RGPD2: variants seen among roughly 807,000 people sequenced by gnomAD.
RGPD2 encodes RANBP2-like and GRIP domain-containing protein 2.
In RGPD2, 2 loss-of-function variants were observed where a neutral mutation model predicts 36.0. The ratio of observed to expected loss-of-function variants is 0.06; its 90% CI spans 0.02 to 0.17. The LOEUF (loss-of-function observed/expected upper bound fraction) is 0.17, where lower values mean the gene tolerates loss of function less well. Among genes scored for constraint, RGPD2 ranks in the 10% least tolerant of loss-of-function variants. The probability of loss-of-function intolerance (pLI) is 1.00; values close to 1 mark genes in which losing one functional copy is unlikely to be tolerated. For synonymous variants in RGPD2, 19 were observed against 163.8 expected, an observed-to-expected ratio of 0.12 and a Z score of 6.75; for missense variants, 40 against 464.3, an observed-to-expected ratio of 0.09 and a Z score of 8.40.
chr2:87,845,985 C>A, the RGPD2 span, among the ~76,000 whole-genome samples: 1 of 150,922 alleles, frequency 6.6e-6, no homozygotes, highest in African/African-American at 2.4e-5. Flanking sequence ...TGTTCGAGTT[C>A]TCTTCTTGAT....
chr2:87,885,008 A>G, the RGPD2 span, among the ~76,000 whole-genome samples: 3 of 152,170 alleles, frequency 2.0e-5, no homozygotes, highest in African/African-American at 4.8e-5. Flanking sequence ...GCAGGCTAAT[A>G]TAACTGATAA....
upstream of RGPD2, chr2:87,826,094 A>G (rs1376145255): frequency 3.7e-6 from 1 of 273,148 alleles, no homozygotes; most frequent in Non-Finnish European, 7.1e-6. Flanking sequence ...TCTGCTATAC[A>G]TAGGTTTGTT....
the RGPD2 span, among the ~76,000 whole-genome samples, chr2:87,948,458 C>T: frequency 7.9e-5 from 12 of 151,608 alleles, no homozygotes; most frequent in Middle Eastern, 3.4e-3. Context: ...CTCGGCTCAC[C>T]GCAAACTCCG....
chr2:87,985,912 G>A, the RGPD2 span: 1 of 1,586,700 alleles, frequency 6.3e-7, no homozygotes, highest in Non-Finnish European at 8.6e-7. Flanking sequence ...AAACATGTTT[G>A]TACTATTAAA....
chr2:87,882,792 G>A, the RGPD2 span, among the ~76,000 whole-genome samples: 1 of 151,962 alleles, frequency 6.6e-6, no homozygotes, highest in Non-Finnish European at 1.5e-5. Flanking sequence ...ATAGTTTTCA[G>A]CTTACAGTTT....
the RGPD2 span, among the ~76,000 whole-genome samples, chr2:87,915,619 CAT>C: frequency 3.5e-5 from 5 of 143,282 alleles, no homozygotes; most frequent in Admixed American, 2.8e-4. Flanking sequence ...TATATATACA[CAT>C]ATATATGTGC....
the RGPD2 span, among the ~76,000 whole-genome samples, chr2:87,884,798 A>G: frequency 2.4e-4 from 36 of 152,192 alleles, no homozygotes; most frequent in Admixed American, 1.3e-3. Context: ...AATAAAAATT[A>G]AAAAGTCTGT....
intron 22 of RGPD2, among the ~76,000 whole-genome samples, chr2:87,769,730 T>C (rs1362875529): frequency 1.3e-4 from 20 of 151,736 alleles, no homozygotes; most frequent in Non-Finnish European, 1.9e-4. Flanking sequence ...CTTAAAGTCC[T>C]GGTTAATTTT....
the RGPD2 span, among the ~76,000 whole-genome samples, chr2:87,928,900 T>C: frequency 1.3e-5 from 2 of 150,872 alleles, no homozygotes; most frequent in African/African-American, 4.9e-5. Flanking sequence ...ATGAGGTGGG[T>C]TTTTTTTTCT....
At chr2:87,893,584 G>A in the RGPD2 span, among the ~76,000 whole-genome samples, 1 of 118,482 alleles carries the variant, frequency 8.4e-6, no homozygotes, top group African/African-American at 3.7e-5. Flanking sequence ...TTTACTACCC[G>A]ATTTTATGAA....
At chr2:87,978,916 CTT>C in the RGPD2 span, among the ~76,000 whole-genome samples, 12 of 124,204 alleles carry the variant, frequency 9.7e-5, no homozygotes, top group Non-Finnish European at 2.0e-4. Flanking sequence ...CACCCCGTCT[CTT>C]AAAAAAAAAA....
At chr2:87,948,352 T>C in the RGPD2 span, among the ~76,000 whole-genome samples, 1 of 152,034 alleles carries the variant, frequency 6.6e-6, no homozygotes, top group South Asian at 2.1e-4. Context: ...GTTATTGATA[T>C]TATTATATTT....
At chr2:87,943,481 TTTTG>T in the RGPD2 span, among the ~76,000 whole-genome samples, 18 of 151,918 alleles carry the variant, frequency 1.2e-4, no homozygotes, top group African/African-American at 2.7e-4. Context: ...GTGTTTTGTT[TTTTG>T]TTTGTTTGTT....
At chr2:87,940,258 C>T in the RGPD2 span, among the ~76,000 whole-genome samples, 4 of 151,928 alleles carry the variant, frequency 2.6e-5, no homozygotes, top group African/African-American at 9.7e-5. Context: ...TGTTTGTAAG[C>T]GGACAAATGG....
the RGPD2 span, among the ~76,000 whole-genome samples, chr2:87,834,893 C>A: frequency 3.3e-5 from 5 of 149,822 alleles, no homozygotes; most frequent in Non-Finnish European, 5.9e-5. Flanking sequence ...AGAAGCCCAA[C>A]GTTGTAATAC....
intron 1 of RGPD2, among the ~76,000 whole-genome samples, chr2:87,820,129 A>G (rs868790377): frequency 1.9e-5 from 1 of 51,350 alleles, no homozygotes; most frequent in Non-Finnish European, 3.7e-5. Context: ...TTCCATCTCA[A>G]AAAAAAAAAA....
intron 22 of RGPD2, among the ~76,000 whole-genome samples, chr2:87,761,142 T>C (rs1193408151): frequency 1.9e-5 from 1 of 51,418 alleles, no homozygotes; most frequent in African/African-American, 7.3e-5. Context: ...TTCATTTCTG[T>C]TATGGTGTTT....
the RGPD2 span, among the ~76,000 whole-genome samples, chr2:87,906,629 G>A: frequency 1.2e-4 from 17 of 144,638 alleles, no homozygotes; most frequent in African/African-American, 4.4e-4. Context: ...TAATAAAAGT[G>A]CTCTTTATAG....
chr2:87,839,792 G>T, the RGPD2 span, among the ~76,000 whole-genome samples: 1 of 151,898 alleles, frequency 6.6e-6, no homozygotes, highest in South Asian at 2.1e-4. Flanking sequence ...TATGAGGAGG[G>T]TGAGGATTGA....
Sources: gnomAD v4.1 joint callset for allele counts (sites outside exome capture counted in the v4.1 genomes callset) on GRCh38, gnomAD v4.1.1 for gene constraint, MANE v1.5 for transcripts, NCBI Gene and HGNC (gene_info 2026-07-23, HGNC 2026-07-21) for gene names.